The following DPP4 variants were observed in gnomAD, a reference collection of about 807,000 sequenced individuals.
The protein encoded by DPP4 is dipeptidyl peptidase 4, also known as ADCP-2.
In DPP4, 93 loss-of-function variants were observed where a neutral mutation model predicts 122.4. That is an observed-to-expected ratio of 0.76 (90% CI 0.64 to 0.90). DPP4 has a LOEUF of 0.90. DPP4 is among the 40% of genes least tolerant of loss of function. The pLI, the probability that DPP4 is intolerant of heterozygous loss-of-function variation, is 0.00. For synonymous variants in DPP4, 321 were observed against 302.9 expected (o/e 1.06, Z -0.62); for missense variants, 914 against 907.3 (o/e 1.01, Z -0.09).
intron 25 of DPP4, 109 bp downstream of exon 25, chr2:161,994,852 A>G: frequency 3.8e-6 from 4 of 1,041,602 alleles, no homozygotes; most frequent in Non-Finnish European, 5.7e-6. Flanking sequence ...AAAAATTTTT[A>G]ATGTTTTTAT....
In DPP4 at chr2:162,041,482, T is replaced by C. The variant is rs74758343; in HGVS notation, c.367-2298A>G. On this transcript the variant is annotated intron_variant, in intron 5 of 25. Transcript: ENST00000360534. ...ATAATAGCAGAGCTGAGATACAAAG[T>C]CAGAGTTCCTAACCTTAACTATTTA... Among the ~76,000 whole-genome samples the C allele has an allele frequency of 9.2e-3, 1,399 of 152,250 alleles. 16 individuals carry two copies. The highest frequency in any genetic ancestry group is 0.032 in the African/African-American group (1,315 of 41,552).
chr2:162,072,037 C>G lies in DPP4; in HGVS notation c.94+1362G>C, dbSNP rs1021618517. 2.0e-4 allele frequency among the ~76,000 whole-genome samples: 30 copies of G among 152,318 alleles called. 1 individual carries two copies. The highest frequency in any genetic ancestry group is 7.0e-4 in the African/African-American group (29 of 41,568). ...ATATATGTGTGTATCCACACACACA[C>G]ATACACACATATATATGTAAAACAA... is the stretch of plus-strand genomic sequence containing the variant. On this transcript the variant is annotated intron_variant, in intron 2 of 25. Coordinates refer to ENST00000360534, the MANE Select transcript of DPP4 (RefSeq NM_001935.4).
At position 162,047,012 on chromosome 2, in the gene DPP4, GA is replaced by G. The variant is rs758413989; in HGVS notation, c.194-7del. 3 of 1,465,348 alleles carry G rather than the reference GA, an allele frequency of 2.0e-6. No individual in the cohort carries two copies. The highest frequency in any genetic ancestry group is 1.9e-6 in the Non-Finnish European group (2 of 1,055,374). The allele number at this position is 1,465,348 out of a possible 1,614,324, so 90.8% of individuals were successfully genotyped here. A position where few individuals can be genotyped will look rare whatever the true frequency, so the allele number is the denominator to read the frequency against. On this transcript the variant is annotated splice_polypyrimidine_tract_variant and splice_region_variant and intron_variant, in intron 3 of 25. Transcript: ENST00000360534. ...TTTGTAGAGATATTCATGATCTAAA[GA>G]GAGAAAACACCCAGATCAAAATTTC...
intron 8 of DPP4, among the ~76,000 whole-genome samples, chr2:162,037,362 C>T (rs1398378430): frequency 2.0e-5 from 3 of 152,128 alleles, no homozygotes; most frequent in African/African-American, 4.8e-5. Context: ...CTCTAAGTAG[C>T]TAGTGCTAGT....
intron 10 of DPP4, among the ~76,000 whole-genome samples, chr2:162,029,672 TCTA>T (rs1422288764): frequency 2.6e-5 from 4 of 152,324 alleles, no homozygotes; most frequent in Admixed American, 1.3e-4. Context: ...AGACTTTATA[TCTA>T]TTGTGTCATC....
chr2:162,046,265 G>A lies in DPP4; in HGVS notation c.285+650C>T, dbSNP rs565119760. ...CACAAGATTAAATGAGGGTTTAAGC[G>A]AGGACTGTCCAGTGGAAATGGAAAC... On this transcript the variant is annotated intron_variant, in intron 4 of 25. Coordinates refer to ENST00000360534, the MANE Select transcript of DPP4 (RefSeq NM_001935.4). 3.3e-5 allele frequency among the ~76,000 whole-genome samples: 5 copies of A among 152,244 alleles called. No homozygotes were observed. In the South Asian group the frequency reaches 1.0e-3, roughly 32 times the overall value.
rs145810986 is a variant in DPP4, at chr2:162,045,547, T to G, written c.351A>C (p.Glu117Asp). The G allele has an allele frequency of 3.2e-5, 52 of 1,609,898 alleles. No individual in the cohort carries two copies. The African/African-American group carries it at 5.3e-4, about 17-fold the overall frequency. Residue 117 changes from glutamate to aspartate, a missense_variant, in exon 5 of 26, where the codon GAA (glutamate) becomes GAC (aspartate). Transcript: ENST00000360534. ...ISPDGQFILL[E>D]YNYVKQWRHS... The stretch of plus-strand genomic sequence containing the variant: ...TTTATTTTACCTTCACGTAGTTGTA[T>G]TCTAAGAGAATAAACTGCCCATCAG...
chr2:162,020,193 G>GT (rs1187652967), intron 14 of DPP4, 36 bp downstream of exon 14: 2 of 1,554,504 alleles, frequency 1.3e-6, no homozygotes, highest in East Asian at 4.5e-5. Flanking sequence ...ATTATGACAA[G>GT]TAGGTTTATA....
In DPP4 at chr2:162,017,111, T is replaced by C. The variant is rs1192785440; in HGVS notation, c.1465A>G (p.Lys489Glu). 6.2e-7 allele frequency: 1 copy of C among 1,611,818 alleles called. No homozygotes were observed. Among genetic ancestry groups the C allele is most frequent in the Non-Finnish European group, 8.5e-7 (1 of 1,179,564 alleles). Residue 489 changes from lysine (K) to glutamate (E), a missense_variant, in exon 17 of 26, where the codon AAA becomes GAA. Lys to Glu is a moderately conservative substitution (Grantham distance 56). Transcript: ENST00000360534. ...LYTLHSSVNDKGLRVLEDNSA... is the reference protein window; with the variant it reads ...LYTLHSSVNDEGLRVLEDNSA... ...AGAGTAAAATATGAGAAAATACCTTTATCATTCACGCTGCTGTGTAGAGTA... is the reference window on the plus strand; with the variant it reads ...AGAGTAAAATATGAGAAAATACCTTCATCATTCACGCTGCTGTGTAGAGTA...
intron 5 of DPP4, among the ~76,000 whole-genome samples, chr2:162,044,964 C>CTTTTT (rs370441659): frequency 2.1e-5 from 3 of 142,068 alleles, no homozygotes; most frequent in South Asian, 4.5e-4. Flanking sequence ...TTCTTTCTTT[C>CTTTTT]TTTTTTTTTT....
intron 11 of DPP4, among the ~76,000 whole-genome samples, chr2:162,024,115 A>C (rs79187411): frequency 0.042 from 6,324 of 152,260 alleles, 355 homozygotes; most frequent in East Asian, 0.26. Context: ...AGGGTCTGTG[A>C]CTAGATAAGG....
At chr2:162,014,045 G>A in intron 19 of DPP4, among the ~76,000 whole-genome samples, 1 of 152,140 alleles carries the variant, frequency 6.6e-6, no homozygotes, top group Admixed American at 6.6e-5. Flanking sequence ...TGGGGTAAGG[G>A]AACTGTCACG....
intron 13 of DPP4, 137 bp downstream of exon 13, chr2:162,020,444 C>T: frequency 1.0e-6 from 1 of 956,856 alleles, no homozygotes; most frequent in Non-Finnish European, 1.5e-6. Flanking sequence ...CCACATGACA[C>T]AATACACCAC....
In DPP4 at chr2:162,074,035, AC is replaced by A; in HGVS notation, c.-55del. On this transcript the variant is annotated 5_prime_UTR_variant, in exon 1 of 26. Coordinates refer to ENST00000360534, the MANE Select transcript of DPP4 (RefSeq NM_001935.4). ...CAGAGAAGGAGCGCAGGCAGAAGTCACCGCGGGCGGCGGAGACGCGCGTCCT... is the reference window on the plus strand; with the variant it reads ...CAGAGAAGGAGCGCAGGCAGAAGTCACGCGGGCGGCGGAGACGCGCGTCCT... The A allele has an allele frequency of 6.3e-7, 1 of 1,596,948 alleles. No individual in the cohort carries two copies.
chr2:162,002,867 G>T (rs1419138033), intron 23 of DPP4, among the ~76,000 whole-genome samples: 1 of 152,160 alleles, frequency 6.6e-6, no homozygotes, highest in East Asian at 1.9e-4. Flanking sequence ...AGCCTGCTGT[G>T]CACCAAAAAT....
At position 162,025,064 on chromosome 2, in the gene DPP4, A is replaced by G; in HGVS notation, c.888-125T>C. The G allele has an allele frequency of 7.6e-6, 8 of 1,051,978 alleles. No homozygotes were observed. In the South Asian group the frequency reaches 1.2e-4, roughly 16 times the overall value. The allele number at this position is 1,051,978 out of a possible 1,614,324, so 65.2% of individuals were successfully genotyped here. On this transcript the variant is annotated intron_variant, in intron 10 of 25. Coordinates refer to ENST00000360534, the MANE Select transcript of DPP4 (RefSeq NM_001935.4). ...ATCTTAATGGGAAGTAGAATTATAA[A>G]TGGTTAATGAAACCATTTAATATAA...
At chr2:162,052,326 A>G (rs965659591) in intron 2 of DPP4, among the ~76,000 whole-genome samples, 1 of 150,040 alleles carries the variant, frequency 6.7e-6, no homozygotes, top group African/African-American at 2.5e-5. Flanking sequence ...CTCAAAAAAA[A>G]AAAAAAAAAA....
intron 23 of DPP4, among the ~76,000 whole-genome samples, chr2:162,002,206 G>A (rs536010745): frequency 4.6e-5 from 7 of 152,230 alleles, no homozygotes; most frequent in East Asian, 3.9e-4. Flanking sequence ...AGGCATCCCC[G>A]CCTGTTCCAT....
rs745777648 is a variant in DPP4 at position 162,009,261 on chromosome 2, G to A, written c.1867C>T (p.Arg623Ter). 13 of 1,613,616 alleles carry A rather than the reference G, an allele frequency of 8.1e-6. No individual in the cohort carries two copies. The highest frequency in any genetic ancestry group is 2.7e-5 in the African/African-American group (2 of 74,876). The change falls in exon 21 of 26, where the codon CGA becomes TGA. Residue 623 changes from arginine (R) to a stop codon, truncating the protein, a stop_gained. Coordinates refer to ENST00000360534, the MANE Select transcript of DPP4 (RefSeq NM_001935.4). LOFTEE classifies it high-confidence loss of function. ...FSKMGFVDNK[R>*]IAIWGWSYGG... The stretch of plus-strand genomic sequence containing the variant: ...CTCACCCAGCCCCAAATTGCAATTC[G>A]TTTGTTGTCCACAAATCCCATTTTT...
Sources: allele counts gnomAD v4.1 joint callset (sites outside exome capture counted in the v4.1 genomes callset), GRCh38; gene constraint gnomAD v4.1.1; transcripts MANE v1.5; gene names NCBI Gene and HGNC (gene_info 2026-07-23, HGNC 2026-07-21).